SVIP: variants seen among roughly 807,000 people sequenced by gnomAD.
SVIP encodes the protein small VCP interacting protein.
SVIP carries 14 observed loss-of-function variants against 12.9 expected under a neutral mutation model. That is an observed-to-expected ratio of 1.08 (90% CI 0.72 to 1.70). The LOEUF (loss-of-function observed/expected upper bound fraction) is 1.70. SVIP is among the 40% of genes most tolerant of loss of function. SVIP has a pLI of 0.00. For synonymous variants in SVIP, 35 were observed against 33.3 expected (o/e 1.05, Z -0.17); for missense variants, 93 against 90.8 (o/e 1.02, Z -0.10).
chr11:22,828,722 A>C (rs559461339), intron 1 of SVIP, among the ~76,000 whole-genome samples: 6 of 152,010 alleles, frequency 3.9e-5, no homozygotes, highest in Non-Finnish European at 8.8e-5. Flanking sequence ...AAATCAACTT[A>C]ATTTAAAACA....
chr11:22,829,783 G>C lies in SVIP; in HGVS notation c.-35C>G, dbSNP rs774230505. The C allele has an allele frequency of 6.3e-7, 1 of 1,578,524 alleles. No individual in the cohort carries two copies. The highest frequency in any genetic ancestry group is 8.6e-7 in the Non-Finnish European group (1 of 1,162,780). On this transcript the variant is annotated 5_prime_UTR_variant, in exon 1 of 4. Transcript: ENST00000354193. ...AGCTTGAGAACCCTGACCGGGTCCGGCCCAGGCCAGGCGGCGCTAACTGCG... is the reference window on the plus strand; with the variant it reads ...AGCTTGAGAACCCTGACCGGGTCCGCCCCAGGCCAGGCGGCGCTAACTGCG...
chr11:22,823,183 A>C (rs561753485), intron 3 of SVIP, 50 bp from the exon 4 acceptor site: 1 of 1,364,926 alleles, frequency 7.3e-7, no homozygotes, highest in Non-Finnish European at 1.0e-6. Flanking sequence ...TTGAAGTTAT[A>C]TAACAGTACT....
chr11:22,828,359 C>A (rs1310446714), intron 1 of SVIP, among the ~76,000 whole-genome samples: 2 of 152,108 alleles, frequency 1.3e-5, no homozygotes, highest in Non-Finnish European at 2.9e-5. Flanking sequence ...TTTTTCTAGA[C>A]CATGTACTAC....
chr11:22,829,791 C>T lies in SVIP; in HGVS notation c.-43G>A, dbSNP rs765070197. On this transcript the variant is annotated 5_prime_UTR_variant, in exon 1 of 4. Transcript: ENST00000354193. ...AACCCTGACCGGGTCCGGCCCAGGC[C>T]AGGCGGCGCTAACTGCGCGGTCCGG... The T allele has an allele frequency of 1.3e-6, 2 of 1,565,758 alleles. No individual in the cohort carries two copies. Among genetic ancestry groups the T allele is most frequent in the Non-Finnish European group, 8.7e-7 (1 of 1,154,586 alleles).
Position 22,829,759 on chromosome 11 carries a change from G to T in SVIP, c.-11C>A. ...AAAACACAGCCCCATAGGGACGACA[G>T]CTTGAGAACCCTGACCGGGTCCGGC... On this transcript the variant is annotated 5_prime_UTR_variant, in exon 1 of 4. In the 5' UTR this introduces an upstream ATG that the reference lacks. Transcript: ENST00000354193. 6.2e-7 allele frequency: 1 copy of T among 1,603,908 alleles called. No homozygotes were observed. Among genetic ancestry groups the T allele is most frequent in the Non-Finnish European group, 8.5e-7 (1 of 1,176,116 alleles).
chr11:22,827,432 G>T, intron 2 of SVIP, 112 bp from the exon 3 acceptor site: 1 of 855,144 alleles, frequency 1.2e-6, no homozygotes, highest in South Asian at 1.5e-5. Context: ...GTAGGGAGTT[G>T]GTTTATTTTT....
At chr11:22,825,882 C>A (rs1857680406) in intron 3 of SVIP, among the ~76,000 whole-genome samples, 1 of 152,138 alleles carries the variant, frequency 6.6e-6, no homozygotes, top group African/African-American at 2.4e-5. Flanking sequence ...TAGTGGATCT[C>A]ATTATTTCCA....
intron 3 of SVIP, among the ~76,000 whole-genome samples, chr11:22,826,354 A>ATGTG (rs368709146): frequency 8.1e-4 from 118 of 145,354 alleles, no homozygotes; most frequent in South Asian, 2.3e-3. Context: ...ATGTATGTGC[A>ATGTG]TGTGTGTGTG....
In SVIP at chr11:22,823,079, A is replaced by G. The variant is rs771751992; in HGVS notation, c.*40T>C. The G allele has an allele frequency of 4.2e-5, 65 of 1,538,652 alleles. No homozygotes were observed. In the African/African-American group the frequency reaches 8.5e-4, roughly 20 times the overall value. ...GAAGCCCACTTGATTGCAGATAATA[A>G]ACAGTTATTGGCAGTAGATTCTTCT... On this transcript the variant is annotated 3_prime_UTR_variant, in exon 4 of 4. Transcript: ENST00000354193.
At chr11:22,824,445 CATAT>C in intron 3 of SVIP, among the ~76,000 whole-genome samples, 1 of 105,990 alleles carries the variant, frequency 9.4e-6, no homozygotes, top group African/African-American at 3.0e-5. Flanking sequence ...TACACACACA[CATAT>C]ATATATATAT....
chr11:22,824,816 T>C (rs1413814370), intron 3 of SVIP, among the ~76,000 whole-genome samples: 1 of 151,392 alleles, frequency 6.6e-6, no homozygotes, highest in Non-Finnish European at 1.5e-5. Flanking sequence ...GGCTAAACCC[T>C]ACTCTCAGAG....
At position 22,827,797 on chromosome 11, in the gene SVIP, T is replaced by C. The variant is rs374961869; in HGVS notation, c.105+27A>G. 4.5e-6 allele frequency: 7 copies of C among 1,557,916 alleles called. No individual in the cohort carries two copies. In the Admixed American group the frequency reaches 7.4e-5, roughly 16 times the overall value. The stretch of plus-strand genomic sequence containing the variant: ...TAAAGTCCAAACTCAATTATCTAAG[T>C]AGGCAAAACTTGATCTTTAATCTTA... On this transcript the variant is annotated intron_variant, in intron 2 of 3. Transcript: ENST00000354193.
Position 22,827,274 on chromosome 11 carries a change from C to T in SVIP, c.152G>A (p.Arg51Lys), listed in dbSNP as rs377766261. ...ILDVQSVQEK[R>K]KKKEKIEKQI... ...TTTTTCTATTTTTTCCTTTTTCTTT[C>T]TCTTTTCTTGCACAGATTGAACATC... Residue 51 changes from arginine (R) to lysine (K), a missense_variant, in exon 3 of 4, where the codon AGA becomes AAA. Transcript: ENST00000354193. The T allele has an allele frequency of 6.2e-7, 1 of 1,608,966 alleles. No individual in the cohort carries two copies. The highest frequency in any genetic ancestry group is 1.3e-5 in the African/African-American group (1 of 74,392).
chr11:22,823,272 A>G (rs968198121), intron 3 of SVIP, 139 bp from the exon 4 acceptor site: 4 of 602,152 alleles, frequency 6.6e-6, no homozygotes, highest in Admixed American at 3.6e-5. Flanking sequence ...GCTATTCATA[A>G]AATTTTACAT....
In SVIP at chr11:22,829,686, T is replaced by C. The variant is rs755913368; in HGVS notation, c.54+9A>G. 6.3e-7 allele frequency: 1 copy of C among 1,596,126 alleles called. No homozygotes were observed. On this transcript the variant is annotated intron_variant, in intron 1 of 3. Coordinates refer to ENST00000354193, the MANE Select transcript of SVIP (RefSeq NM_148893.3). Reference sequence around the variant, plus strand: ...CGGCCCGGCGGACGCAGGGACCTGCTCTACTCACCAGGTCCGGCGTGGGAG... The same window carrying C: ...CGGCCCGGCGGACGCAGGGACCTGCCCTACTCACCAGGTCCGGCGTGGGAG...
intron 1 of SVIP, 75 bp downstream of exon 1, chr11:22,829,620 G>A (rs1237030178): frequency 2.7e-6 from 4 of 1,461,140 alleles, no homozygotes; most frequent in Non-Finnish European, 3.7e-6. Context: ...AGGTACAATG[G>A]CTCGGCCCGC....
Position 22,822,927 on chromosome 11 carries a change from G to A in SVIP, c.*192C>T. 1.9e-6 allele frequency: 1 copy of A among 516,932 alleles called. No individual in the cohort carries two copies. The highest frequency in any genetic ancestry group is 3.4e-6 in the Non-Finnish European group (1 of 295,754). The allele number at this position is 516,932 out of a possible 1,614,324, so 32.0% of individuals were successfully genotyped here. ...CAGAAGAGCAAATGTAGGAAAATCA[G>A]TATTTAATGAAAAGTCTAGCCATTC... On this transcript the variant is annotated 3_prime_UTR_variant, in exon 4 of 4. Coordinates refer to ENST00000354193, the MANE Select transcript of SVIP (RefSeq NM_148893.3).
rs916890783 is a variant in SVIP, at chr11:22,819,337, C to T, written c.*3782G>A. On this transcript the variant is annotated 3_prime_UTR_variant, in exon 4 of 4. Transcript: ENST00000354193. ...AACAAGATAAATTTCAGGGAAATAG[C>T]CTAGAGAGCACCAATCTGTGTGCAA... 4 of 152,130 alleles carry T rather than the reference C, an allele frequency of 2.6e-5. No individual in the cohort carries two copies. Among genetic ancestry groups the T allele is most frequent in the Non-Finnish European group, 5.9e-5 (4 of 68,038 alleles). The allele number at this position is 152,130 out of a possible 1,614,324, so 9.4% of individuals were successfully genotyped here.
At position 22,825,963 on chromosome 11, in the gene SVIP, C is replaced by T. The variant is rs562809444; in HGVS notation, c.219+1244G>A. On this transcript the variant is annotated intron_variant, in intron 3 of 3. Transcript: ENST00000354193. Reference sequence around the variant, plus strand: ...CCTATATGAAGTAAACCTAGTGAAACAGCACTTTATCTCAACAGAATATTG... The same window carrying T: ...CCTATATGAAGTAAACCTAGTGAAATAGCACTTTATCTCAACAGAATATTG... 2.0e-5 allele frequency among the ~76,000 whole-genome samples: 3 copies of T among 151,904 alleles called. No individual in the cohort carries two copies. The South Asian group carries it at 6.2e-4, about 32-fold the overall frequency.
Sources: gnomAD v4.1 joint callset for allele counts (sites outside exome capture counted in the v4.1 genomes callset) on GRCh38, gnomAD v4.1.1 for gene constraint, MANE v1.5 for transcripts, NCBI Gene and HGNC (gene_info 2026-07-23, HGNC 2026-07-21) for gene names.